The following VCP variants were observed in gnomAD, a reference collection of about 807,000 sequenced individuals.
The protein encoded by VCP is valosin containing protein.
A neutral mutation model predicts 85.7 loss-of-function variants in VCP; 6 were observed. The observed-to-expected ratio is 0.07, with a 90% CI of 0.04 to 0.14. The LOEUF (loss-of-function observed/expected upper bound fraction) is 0.14. Among genes scored for constraint, VCP ranks in the 10% least tolerant of loss-of-function variants. VCP has a pLI of 1.00. For synonymous variants in VCP, 384 were observed against 367.1 expected (o/e 1.05, Z -0.53); for missense variants, 353 against 1,043.4 (o/e 0.34, Z 9.12).
intron 1 of VCP, among the ~76,000 whole-genome samples, chr9:35,071,560 C>A (rs1394273894): frequency 1.3e-5 from 2 of 152,164 alleles, no homozygotes; most frequent in Non-Finnish European, 2.9e-5. Flanking sequence ...AACTGAGATT[C>A]CAACTTTAGC....
intron 1 of VCP, among the ~76,000 whole-genome samples, 176 bp from the exon 2 acceptor site, chr9:35,068,538 A>C (rs746014417): frequency 2.5e-4 from 38 of 152,284 alleles, no homozygotes; most frequent in Admixed American, 3.9e-4. Context: ...ACATATTACA[A>C]TACCCATTCC....
At chr9:35,057,990 C>G (rs1294962151) in intron 15 of VCP, among the ~76,000 whole-genome samples, 1 of 152,226 alleles carries the variant, frequency 6.6e-6, no homozygotes, top group African/African-American at 2.4e-5. Flanking sequence ...TGGATTACAT[C>G]CTACCTAGCG....
chr9:35,064,089 G>A, intron 6 of VCP, 65 bp downstream of exon 6: 1 of 1,608,544 alleles, frequency 6.2e-7, no homozygotes, highest in Non-Finnish European at 8.5e-7. Flanking sequence ...CCCAGGATTA[G>A]ACATTGGGAC....
At position 35,072,459 on chromosome 9, in the gene VCP, C is replaced by A; in HGVS notation, c.-106G>T. ...GGGCTCGGCTCTTCCAGGCGGTGGG[C>A]GAGCAGCGGCGACAAACCCGCAAGC... On this transcript the variant is annotated 5_prime_UTR_variant, in exon 1 of 17. Transcript: ENST00000358901. The A allele has an allele frequency of 7.5e-7, 1 of 1,329,286 alleles. No individual in the cohort carries two copies. Among genetic ancestry groups the A allele is most frequent in the Non-Finnish European group, 9.7e-7 (1 of 1,031,498 alleles). The allele number at this position is 1,329,286 out of a possible 1,614,324, so 82.3% of individuals were successfully genotyped here. A position where few individuals can be genotyped will look rare whatever the true frequency, so the allele number is the denominator to read the frequency against.
intron 13 of VCP, 43 bp downstream of exon 13, chr9:35,060,270 C>G: frequency 1.2e-6 from 2 of 1,603,142 alleles, no homozygotes. Flanking sequence ...CTATTCCTTG[C>G]CCTCAGGCAA....
intron 3 of VCP, 38 bp from the exon 4 acceptor site, chr9:35,066,855 C>T: frequency 1.9e-6 from 3 of 1,613,504 alleles, no homozygotes; most frequent in Non-Finnish European, 2.5e-6. Context: ...ACCAACCACA[C>T]TTCGGGCCCA....
intron 4 of VCP, among the ~76,000 whole-genome samples, chr9:35,065,719 T>A (rs1444319567): frequency 6.6e-6 from 1 of 152,062 alleles, no homozygotes; most frequent in Non-Finnish European, 1.5e-5. Context: ...CCAGCCAAAA[T>A]GGACCACTTT....
At chr9:35,065,485 C>A in intron 4 of VCP, 104 bp from the exon 5 acceptor site, 1 of 1,494,726 alleles carries the variant, frequency 6.7e-7, no homozygotes, top group Non-Finnish European at 9.2e-7. Context: ...TTAGATAGTG[C>A]CCTTCATTAG....
In VCP at chr9:35,067,941, C is replaced by G; in HGVS notation, c.252G>C (p.Met84Ile). 6.2e-7 allele frequency: 1 copy of G among 1,614,244 alleles called. No individual in the cohort carries two copies. Reference sequence around the variant, plus strand: ...GAAGGTTATTCCGAACAACTCTATTCATCCGAATCTTCTCATCAGAACAAG... The same window carrying G: ...GAAGGTTATTCCGAACAACTCTATTGATCCGAATCTTCTCATCAGAACAAG... ...DDTCSDEKIR[M>I]NRVVRNNLRV... Residue 84 changes from methionine (M) to isoleucine (I), a missense_variant, in exon 3 of 17, where the codon ATG becomes ATC. Around this residue, in one of 8 missense-constraint regions of VCP, gnomAD observed 69 missense variants for 132.9 expected, o/e 0.52. Coordinates refer to ENST00000358901, the MANE Select transcript of VCP (RefSeq NM_007126.5).
chr9:35,056,788 C>G lies in VCP; in HGVS notation c.*329G>C. On this transcript the variant is annotated 3_prime_UTR_variant, in exon 17 of 17. Transcript: ENST00000358901. ...GTCAAGTGCAGATGCTTTACTGTGG[C>G]AGGTGGCAGTAGTGCCTTGGTTCAC... 2.7e-6 allele frequency: 1 copy of G among 370,322 alleles called. No homozygotes were observed. The highest frequency in any genetic ancestry group is 5.2e-6 in the Non-Finnish European group (1 of 191,364). The allele number at this position is 370,322 out of a possible 1,614,324, so 22.9% of individuals were successfully genotyped here.
chr9:35,072,216 T>C (rs1828969415), intron 1 of VCP, 121 bp downstream of exon 1: 1 of 1,444,362 alleles, frequency 6.9e-7, no homozygotes, highest in Non-Finnish European at 9.2e-7. Context: ...CTAGCTTCCC[T>C]TCCCTCTTTC....
rs753829387 is a variant in VCP at position 35,068,377 on chromosome 9, T to C, written c.18-15A>G. 2 of 1,611,254 alleles carry C rather than the reference T, an allele frequency of 1.2e-6. No homozygotes were observed. Among genetic ancestry groups the C allele is most frequent in the African/African-American group, 2.7e-5 (2 of 74,800 alleles). On this transcript the variant is annotated splice_polypyrimidine_tract_variant and intron_variant, in intron 1 of 16. Coordinates refer to ENST00000358901, the MANE Select transcript of VCP (RefSeq NM_007126.5). Reference sequence around the variant, plus strand: ...CACCTTTTGAACTAGAAGGAGGAAATGGAGTCAGTAGATACTCCTGCCCCA... The same window carrying C: ...CACCTTTTGAACTAGAAGGAGGAAACGGAGTCAGTAGATACTCCTGCCCCA...
At chr9:35,064,490 A>G (rs1036038184) in intron 5 of VCP, among the ~76,000 whole-genome samples, 1 of 152,212 alleles carries the variant, frequency 6.6e-6, no homozygotes, top group Non-Finnish European at 1.5e-5. Flanking sequence ...GTTCCTGGGC[A>G]ATACAGCAAG....
intron 7 of VCP, 69 bp from the exon 8 acceptor site, chr9:35,062,419 A>T: frequency 1.2e-6 from 2 of 1,610,992 alleles, no homozygotes; most frequent in Non-Finnish European, 1.7e-6. Context: ...AAAATCAGTT[A>T]TCTTGCTTGT....
rs375337185 is a variant in VCP at position 35,068,381 on chromosome 9, G to A, written c.18-19C>T. The A allele has an allele frequency of 1.9e-6, 3 of 1,607,038 alleles. No homozygotes were observed. Among genetic ancestry groups the A allele is most frequent in the African/African-American group, 1.3e-5 (1 of 74,742 alleles). The stretch of plus-strand genomic sequence containing the variant: ...TTTTGAACTAGAAGGAGGAAATGGA[G>A]TCAGTAGATACTCCTGCCCCAAGCG... On this transcript the variant is annotated intron_variant, in intron 1 of 16. Transcript: ENST00000358901.
intron 10 of VCP, 22 bp downstream of exon 10, chr9:35,061,555 T>C: frequency 1.2e-6 from 2 of 1,606,952 alleles, no homozygotes; most frequent in Non-Finnish European, 1.7e-6. Context: ...TAACGCCTGG[T>C]CAGCCATCAT....
rs1828722138 is a variant in VCP, at chr9:35,061,595, A to G, written c.1176T>C (p.Asp392=). The change falls in exon 10 of 17, where the codon GAT becomes GAC. Residue 392 remains aspartate, a synonymous_variant. Coordinates refer to ENST00000358901, the MANE Select transcript of VCP (RefSeq NM_007126.5). The part of the protein sequence containing the change: ...QIHTKNMKLA[D]DVDLEQVANE... ...ACTTCACCTGTTCCAGGTCCACATCATCTGCCAGCTTCATGTTCTTGGTAT... is the reference window on the plus strand; with the variant it reads ...ACTTCACCTGTTCCAGGTCCACATCGTCTGCCAGCTTCATGTTCTTGGTAT... 6.2e-7 allele frequency: 1 copy of G among 1,614,070 alleles called. No homozygotes were observed. Among genetic ancestry groups the G allele is most frequent in the African/African-American group, 1.3e-5 (1 of 75,008 alleles).
chr9:35,060,792 T>C lies in VCP; in HGVS notation c.1482+9A>G, dbSNP rs766140133. ...AGACAGTGACTCACCCTGGACCAAG[T>C]TGCCCTACCTGGACCAGCTCCTGTA... On this transcript the variant is annotated intron_variant, in intron 12 of 16. Coordinates refer to ENST00000358901, the MANE Select transcript of VCP (RefSeq NM_007126.5). The C allele has an allele frequency of 1.2e-5, 20 of 1,614,036 alleles. No individual in the cohort carries two copies. Among genetic ancestry groups the C allele is most frequent in the African/African-American group, 2.7e-5 (2 of 74,916 alleles).
At chr9:35,061,775 A>G (rs914799892) in intron 9 of VCP, 86 bp from the exon 10 acceptor site, 3 of 1,389,912 alleles carry the variant, frequency 2.2e-6, no homozygotes, top group Admixed American at 1.7e-5. Context: ...CATCTCAGCC[A>G]GCACAGGATT....
Sources: allele counts gnomAD v4.1 joint callset (sites outside exome capture counted in the v4.1 genomes callset), GRCh38; gene constraint gnomAD v4.1.1; regional missense constraint gnomAD v4.1.1; transcripts MANE v1.5; gene names NCBI Gene and HGNC (gene_info 2026-07-23, HGNC 2026-07-21).